The following BCKDK variants were observed in gnomAD, a reference collection of about 807,000 sequenced individuals.
BCKDK encodes branched-chain alpha-ketoacid dehydrogenase kinase.
In BCKDK, 28 loss-of-function variants were observed where a neutral mutation model predicts 43.9. That is an observed-to-expected ratio of 0.64 (90% confidence interval 0.47 to 0.87). The LOEUF (loss-of-function observed/expected upper bound fraction) is 0.87. Ranked by LOEUF, BCKDK falls within the 40% of genes least tolerant of loss-of-function variation. BCKDK has a pLI of 0.00. For missense variants in BCKDK, 483 were observed against 581.4 expected (o/e 0.83, Z 1.74); for synonymous variants, 257 against 234.3 (o/e 1.10, Z -0.88).
At position 31,109,556 on chromosome 16, in the gene BCKDK, T is replaced by G. The variant is rs566392331; in HGVS notation, c.241T>G (p.Ser81Ala). The G allele has an allele frequency of 1.6e-5, 26 of 1,614,054 alleles. No individual in the cohort carries two copies. The South Asian group carries it at 2.7e-4, about 17-fold the overall frequency. Residue 81 changes from serine to alanine, a missense_variant, in exon 3 of 12, where the codon TCT becomes GCT. By Grantham distance (99) the Ser-to-Ala change is moderately conservative. Transcript: ENST00000219794. The surrounding 1 kb of genome is among the most constrained non-coding windows in gnomAD (Gnocchi z 5.3). ...CACCATGATGCTCTACGCTGGCCGC[T>G]CTCAGGACGGCAGCCACCTTCTGGT... ...TPTMMLYAGRSQDGSHLLKSA... is the reference protein window; with the variant it reads ...TPTMMLYAGRAQDGSHLLKSA...
Position 31,111,170 on chromosome 16 carries a change from C to A in BCKDK, c.796C>A (p.Pro266Thr). 1 of 1,614,172 alleles carries A rather than the reference C, an allele frequency of 6.2e-7. No homozygotes were observed. The highest frequency in any genetic ancestry group is 8.5e-7 in the Non-Finnish European group (1 of 1,180,030). ...TGTGGCTGCCCGGTTCCCCTTCATC[C>A]CTATGCCACTGGACTACATCCTGCC... ...GHVAARFPFI[P>T]MPLDYILPEL... The change falls in exon 9 of 12, where the codon CCT (proline) becomes ACT (threonine). Residue 266 changes from proline to threonine, a missense_variant. Pro to Thr is a conservative substitution (Grantham distance 38). Coordinates refer to ENST00000219794, the MANE Select transcript of BCKDK (RefSeq NM_005881.4).
downstream of BCKDK, chr16:31,117,509 C>A (rs531287583): frequency 4.3e-6 from 2 of 469,286 alleles, no homozygotes; most frequent in Admixed American, 4.4e-5. Context: ...CCAAGACTGC[C>A]GCACACTCAA....
In BCKDK at chr16:31,109,112, G is replaced by T; in HGVS notation, c.-112G>T. 1 of 967,740 alleles carries T rather than the reference G, an allele frequency of 1.0e-6. No homozygotes were observed. The highest frequency in any genetic ancestry group is 1.4e-6 in the Non-Finnish European group (1 of 698,434). The allele number at this position is 967,740 out of a possible 1,614,324, so 59.9% of individuals were successfully genotyped here. Reference sequence around the variant, plus strand: ...CGACGCACCCTGGTCCCTGAAGTCGGAGAAGAGCCCCTACCCACCCACACC... The same window carrying T: ...CGACGCACCCTGGTCCCTGAAGTCGTAGAAGAGCCCCTACCCACCCACACC... On this transcript the variant is annotated 5_prime_UTR_variant, in exon 2 of 12. Transcript: ENST00000219794. This position sits in a 1 kb window ranked among gnomAD's most constrained non-coding sequence, Gnocchi z 5.3.
downstream of BCKDK, among the ~76,000 whole-genome samples, chr16:31,113,696 ACTT>A (rs2057430458): frequency 6.6e-6 from 1 of 151,988 alleles, no homozygotes; most frequent in Non-Finnish European, 1.5e-5. Context: ...CTGGACTTGA[ACTT>A]CTGGGCTCAA....
chr16:31,110,874 C>A lies in BCKDK; in HGVS notation c.716+113C>A. The stretch of plus-strand genomic sequence containing the variant: ...GGAGCAGGGTTTCTCAACCATGGCA[C>A]TATTGACATTTCCAGCCAGATAATT... On this transcript the variant is annotated intron_variant, in intron 8 of 11. Coordinates refer to ENST00000219794, the MANE Select transcript of BCKDK (RefSeq NM_005881.4). The surrounding 1 kb of genome is among the most constrained non-coding windows in gnomAD (Gnocchi z 5.4). The A allele has an allele frequency of 7.1e-7, 1 of 1,410,300 alleles. No homozygotes were observed. Among genetic ancestry groups the A allele is most frequent in the Non-Finnish European group, 9.9e-7 (1 of 1,008,382 alleles). The allele number at this position is 1,410,300 out of a possible 1,614,324, so 87.4% of individuals were successfully genotyped here. A position where few individuals can be genotyped will look rare whatever the true frequency, so the allele number is the denominator to read the frequency against.
Position 31,109,397 on chromosome 16 carries a change from C to A in BCKDK, c.174C>A (p.Ala58=). The change falls in exon 2 of 12, where the codon GCC becomes GCA. Residue 58 remains alanine (A), a synonymous_variant. Coordinates refer to ENST00000219794, the MANE Select transcript of BCKDK (RefSeq NM_005881.4). This position sits in a 1 kb window ranked among gnomAD's most constrained non-coding sequence, Gnocchi z 5.3. ...TCACCTCCTTTTACAACCAGTCGGCCATCGACGCGGCAGCGGAGAAGGTGC... is the reference window on the plus strand; with the variant it reads ...TCACCTCCTTTTACAACCAGTCGGCAATCGACGCGGCAGCGGAGAAGGTGC... ...KTVTSFYNQS[A]IDAAAEKPSV... is the part of the protein sequence containing the mutation. The A allele has an allele frequency of 6.2e-7, 1 of 1,608,068 alleles. No homozygotes were observed.
chr16:31,110,931 G>A lies in BCKDK; in HGVS notation c.717-160G>A. The A allele has an allele frequency of 7.4e-7, 1 of 1,356,306 alleles. No homozygotes were observed. Among genetic ancestry groups the A allele is most frequent in the South Asian group, 1.3e-5 (1 of 75,182 alleles). 84.0% of individuals were successfully genotyped at this position (1,356,306 alleles called of 1,614,324 possible). A position where few individuals can be genotyped will look rare whatever the true frequency, so the allele number is the denominator to read the frequency against. ...CACAGGGGCTGCCCCGTGCACGTTA[G>A]GAAGTTCAGCAGCATCCCTGGCGCC... On this transcript the variant is annotated intron_variant, in intron 8 of 11. Coordinates refer to ENST00000219794, the MANE Select transcript of BCKDK (RefSeq NM_005881.4). The surrounding 1 kb of genome is among the most constrained non-coding windows in gnomAD (Gnocchi z 5.4).
Position 31,110,032 on chromosome 16 carries a change from C to T in BCKDK, c.376-45C>T, listed in dbSNP as rs749761316. The stretch of plus-strand genomic sequence containing the variant: ...TAGGTGGGGGTGGCTGTTCTCTGCT[C>T]AGTGCCCATGCGGCTTTGTGAATTC... On this transcript the variant is annotated intron_variant, in intron 4 of 11. Transcript: ENST00000219794. This position sits in a 1 kb window ranked among gnomAD's most constrained non-coding sequence, Gnocchi z 5.4. 6.8e-6 allele frequency: 11 copies of T among 1,613,448 alleles called. No individual in the cohort carries two copies. In the African/African-American group the frequency reaches 1.3e-4, roughly 20 times the overall value.
intron 10 of BCKDK, among the ~76,000 whole-genome samples, chr16:31,111,604 C>A (rs1228394840): frequency 6.6e-6 from 1 of 152,158 alleles, no homozygotes; most frequent in Non-Finnish European, 1.5e-5. Context: ...CTGTCAGCAG[C>A]TGAGGAGCTT....
At position 31,109,880 on chromosome 16, in the gene BCKDK, G is replaced by T; in HGVS notation, c.375+97G>T. The T allele has an allele frequency of 7.0e-7, 1 of 1,421,622 alleles. No homozygotes were observed. Among genetic ancestry groups the T allele is most frequent in the Non-Finnish European group, 9.9e-7 (1 of 1,013,542 alleles). 88.1% of individuals were successfully genotyped at this position (1,421,622 alleles called of 1,614,324 possible). A position where few individuals can be genotyped will look rare whatever the true frequency, so the allele number is the denominator to read the frequency against. On this transcript the variant is annotated intron_variant, in intron 4 of 11. Transcript: ENST00000219794. This position sits in a 1 kb window ranked among gnomAD's most constrained non-coding sequence, Gnocchi z 5.3. ...GTGGCAGACGATTGCTTGCCTAAAG[G>T]TGTCAGGGCCACACAGGATTCAACC...
chr16:31,117,216 A>C (rs920902887), downstream of BCKDK, among the ~76,000 whole-genome samples: 2 of 151,306 alleles, frequency 1.3e-5, no homozygotes, highest in Non-Finnish European at 2.9e-5. Flanking sequence ...CTAAAAATAC[A>C]AAAATTAGAT....
At position 31,110,333 on chromosome 16, in the gene BCKDK, A is replaced by G. The variant is rs199722503; in HGVS notation, c.543+9A>G. ...GCCGGAAGCACATAGAGGTTGGGGC[A>G]GCAAAGGAGAGGCCGGGCCTGCTGG... On this transcript the variant is annotated intron_variant, in intron 6 of 11. Coordinates refer to ENST00000219794, the MANE Select transcript of BCKDK (RefSeq NM_005881.4). The surrounding 1 kb of genome is among the most constrained non-coding windows in gnomAD (Gnocchi z 5.4). 6.2e-7 allele frequency: 1 copy of G among 1,613,968 alleles called. No individual in the cohort carries two copies. Among genetic ancestry groups the G allele is most frequent in the Non-Finnish European group, 8.5e-7 (1 of 1,179,926 alleles).
At chr16:31,117,369 A>AAAATAAATAAAGAAATAAATAAAT, downstream of BCKDK, 1 of 146,430 alleles carries the variant, frequency 6.8e-6, no homozygotes, top group South Asian at 2.7e-4. Context: ...ATTCCGTCTC[A>AAAATAAATAAAGAAATAAATAAAT]AAATAAATAA....
downstream of BCKDK, among the ~76,000 whole-genome samples, chr16:31,114,205 G>A (rs186366565): frequency 2.2e-4 from 33 of 151,888 alleles, no homozygotes; most frequent in African/African-American, 5.1e-4. Flanking sequence ...GTTTTGTTTC[G>A]TTTTGTTTTT....
At position 31,110,897 on chromosome 16, in the gene BCKDK, ATTCT is replaced by A; in HGVS notation, c.716+139_716+142del. The A allele has an allele frequency of 7.3e-7, 1 of 1,365,236 alleles. No homozygotes were observed. Among genetic ancestry groups the A allele is most frequent in the Non-Finnish European group, 1.0e-6 (1 of 979,076 alleles). The allele number at this position is 1,365,236 out of a possible 1,614,324, so 84.6% of individuals were successfully genotyped here. ...CACTATTGACATTTCCAGCCAGATA[ATTCT>A]TTGTCACAGGGGCTGCCCCGTGCAC... On this transcript the variant is annotated intron_variant, in intron 8 of 11. Transcript: ENST00000219794. This position sits in a 1 kb window ranked among gnomAD's most constrained non-coding sequence, Gnocchi z 5.4.
At chr16:31,113,030 C>T (rs538995367), downstream of BCKDK, among the ~76,000 whole-genome samples, 1 of 152,286 alleles carries the variant, frequency 6.6e-6, no homozygotes, top group Admixed American at 6.5e-5. Context: ...GGACTGGGTG[C>T]CCCACTGCAA....
downstream of BCKDK, among the ~76,000 whole-genome samples, chr16:31,117,128 T>C (rs148866630): frequency 2.9e-3 from 439 of 152,034 alleles, no homozygotes; most frequent in Non-Finnish European, 3.8e-3. Context: ...TCCCAGCACT[T>C]TGGGAGGTTG....
rs1316723609 is a variant in BCKDK at position 31,112,178 on chromosome 16, G to A, written c.1152G>A (p.Leu384=). The change falls in exon 12 of 12, where the codon CTG becomes CTA. Residue 384 remains leucine, a synonymous_variant. Coordinates refer to ENST00000219794, the MANE Select transcript of BCKDK (RefSeq NM_005881.4). The surrounding 1 kb of genome is among the most constrained non-coding windows in gnomAD (Gnocchi z 5.0). The part of the protein sequence containing the change: ...RAYAEYLGGS[L]QLQSLQGIGT... ...ACGCGGAGTACCTCGGTGGGTCTCT[G>A]CAGCTGCAGTCCCTGCAGGGCATTG... The A allele has an allele frequency of 1.2e-6, 2 of 1,613,228 alleles. No homozygotes were observed. The highest frequency in any genetic ancestry group is 2.2e-5 in the East Asian group (1 of 44,880).
downstream of BCKDK, among the ~76,000 whole-genome samples, chr16:31,116,063 C>T (rs1223135692): frequency 6.6e-6 from 1 of 150,658 alleles, no homozygotes; most frequent in Non-Finnish European, 1.5e-5. Context: ...AGGGGCCCGC[C>T]ACCACGCCCG....
Sources: gnomAD v4.1 joint callset for allele counts (sites outside exome capture counted in the v4.1 genomes callset) on GRCh38, gnomAD v4.1.1 for gene constraint, Gnocchi (gnomAD v3.1) non-coding constraint, MANE v1.5 for transcripts, NCBI Gene and HGNC (gene_info 2026-07-23, HGNC 2026-07-21) for gene names.